DMD: variants seen among roughly 807,000 people sequenced by gnomAD.
The protein encoded by DMD is mutant dystrophin.
Under a neutral mutation model 330.1 loss-of-function variants are expected in DMD, and 63 were observed. The ratio of observed to expected loss-of-function variants is 0.19; its 90% CI spans 0.16 to 0.24. DMD has a LOEUF of 0.24. DMD is among the 10% of genes least tolerant of loss of function. The pLI, the probability that DMD is intolerant of heterozygous loss-of-function variation, is 1.00. For missense variants in DMD, 3,344 were observed against 2,684.1 expected (o/e 1.25, Z -5.43); for synonymous variants, 1,223 against 959.8 (o/e 1.27, Z -5.07).
Position 32,390,070 on chromosome X carries a change from C to T in DMD, c.4344+1G>A. On this transcript the variant is annotated splice_donor_variant, in intron 31 of 78. Coordinates refer to ENST00000357033, the MANE Select transcript of DMD (RefSeq NM_004006.3). LOFTEE classifies it high-confidence loss of function. Reference sequence around the variant, plus strand: ...TCCTTAGTTTCTGAAATAACATATACCTGTGCAACATCAATCTGAGACAGG... The same window carrying T: ...TCCTTAGTTTCTGAAATAACATATATCTGTGCAACATCAATCTGAGACAGG... 1 of 1,193,674 alleles carries T rather than the reference C, an allele frequency of 8.4e-7. No homozygotes were observed. The highest frequency in any genetic ancestry group is 1.1e-6 in the Non-Finnish European group (1 of 879,360).
chrX:33,306,481 G>C (rs1406524610), intron 1 of DMD, among the ~76,000 whole-genome samples: 1 of 110,909 alleles, frequency 9.0e-6, no homozygotes, highest in Admixed American at 9.7e-5. Context: ...AAATGGGCCT[G>C]GTATTTGCTA....
Position 32,263,174 on chromosome X carries a change from T to C in DMD, c.6290+24355A>G, listed in dbSNP as rs771972947. Among the ~76,000 whole-genome samples the C allele has an allele frequency of 8.0e-5, 9 of 112,228 alleles. No homozygotes were observed. The South Asian group carries it at 3.3e-3, about 41-fold the overall frequency. On this transcript the variant is annotated intron_variant, in intron 43 of 78. Transcript: ENST00000357033. ...GAAAATGTACATCAGTATTTATAAA[T>C]AGCCATTATATACAATGATACAATT... is the stretch of plus-strand genomic sequence containing the variant.
chrX:31,202,405 A>G (rs975079962), intron 67 of DMD, among the ~76,000 whole-genome samples: 10 of 111,949 alleles, frequency 8.9e-5, no homozygotes, highest in African/African-American at 2.9e-4. Flanking sequence ...ATGAGGAGGA[A>G]AAGATATTTA....
At position 31,403,666 on chromosome X, in the gene DMD, A is replaced by G. The variant is rs776194919; in HGVS notation, c.9084+40815T>C. 1.2e-4 allele frequency among the ~76,000 whole-genome samples: 13 copies of G among 111,882 alleles called. No homozygotes were observed. In the East Asian group the frequency reaches 3.6e-3, roughly 31 times the overall value. ...ATGAGAAGCTATTGAAATGAGGTCAACTAAACAGAAATCTATTTGTAGGGT... is the reference window on the plus strand; with the variant it reads ...ATGAGAAGCTATTGAAATGAGGTCAGCTAAACAGAAATCTATTTGTAGGGT... On this transcript the variant is annotated intron_variant, in intron 60 of 78. Transcript: ENST00000357033.
chrX:31,433,443 C>A (rs2064230217), intron 60 of DMD, among the ~76,000 whole-genome samples: 1 of 106,204 alleles, frequency 9.4e-6, no homozygotes, highest in African/African-American at 3.5e-5. Flanking sequence ...AATGGTAGTT[C>A]TTTTTTTTCT....
chrX:31,690,957 G>A (rs767245479), intron 52 of DMD, among the ~76,000 whole-genome samples: 5 of 110,141 alleles, frequency 4.5e-5, no homozygotes, highest in South Asian at 4.0e-4. Flanking sequence ...ATCACACACC[G>A]GGGCCTGTCG....
intron 76 of DMD, among the ~76,000 whole-genome samples, chrX:31,138,080 G>A (rs1204816882): frequency 1.8e-5 from 2 of 111,877 alleles, no homozygotes; most frequent in Non-Finnish European, 3.8e-5. Context: ...TTGGAAAATG[G>A]AATGTAAGCG....
At chrX:33,015,207 G>A (rs887259598) in intron 2 of DMD, among the ~76,000 whole-genome samples, 4 of 110,402 alleles carry the variant, frequency 3.6e-5, no homozygotes, top group Admixed American at 9.8e-5. Flanking sequence ...TATAAGACAC[G>A]CATACATATG....
In DMD at chrX:31,147,277, G is replaced by T. The variant is rs772199578; in HGVS notation, c.10795C>A (p.Gln3599Lys). Reference protein sequence around the residue: ...QLHRLRQLLEQPQAEAKVNGT... With the variant: ...QLHRLRQLLEKPQAEAKVNGT... ...AAAAATCCCATCTCTCTCCTCACTT[G>T]CTCCAGCAGCTGCCTTAGCCTGTGT... The change falls in exon 75 of 79, where the codon CAA becomes AAA. Residue 3599 changes from glutamine (Q) to lysine (K), a missense_variant and splice_region_variant. Coordinates refer to ENST00000357033, the MANE Select transcript of DMD (RefSeq NM_004006.3). 5.8e-6 allele frequency: 7 copies of T among 1,208,428 alleles called. No individual in the cohort carries two copies. The highest frequency in any genetic ancestry group is 7.8e-6 in the Non-Finnish European group (7 of 894,422).
At chrX:33,091,995 C>T (rs2095090911) in intron 1 of DMD, among the ~76,000 whole-genome samples, 1 of 111,675 alleles carries the variant, frequency 9.0e-6, no homozygotes, top group Non-Finnish European at 1.9e-5. Context: ...TTCTTGACTA[C>T]TTACATATGC....
intron 74 of DMD, among the ~76,000 whole-genome samples, chrX:31,158,860 T>C (rs2038476958): frequency 1.8e-5 from 2 of 112,120 alleles, no homozygotes; most frequent in African/African-American, 6.5e-5. Flanking sequence ...TTAAATATTT[T>C]CAGATGATGA....
intron 52 of DMD, among the ~76,000 whole-genome samples, chrX:31,694,447 A>G (rs1313368123): frequency 3.7e-5 from 4 of 108,612 alleles, no homozygotes; most frequent in Admixed American, 1.0e-4. Context: ...TAATGGAATA[A>G]AGAGACAACC....
intron 1 of DMD, among the ~76,000 whole-genome samples, chrX:33,194,007 T>A (rs1326059356): frequency 9.0e-6 from 1 of 110,787 alleles, no homozygotes; most frequent in Middle Eastern, 4.2e-3. Context: ...GCGGAGATAA[T>A]ATAATTTTTA....
intron 34 of DMD, among the ~76,000 whole-genome samples, chrX:32,369,317 T>A (rs2097864502): frequency 9.0e-6 from 1 of 111,320 alleles, no homozygotes; most frequent in Non-Finnish European, 1.9e-5. Flanking sequence ...TCCAGTGAAG[T>A]CATGCCCCAT....
chrX:33,027,113 G>A (rs2094018799), intron 1 of DMD, among the ~76,000 whole-genome samples: 3 of 112,187 alleles, frequency 2.7e-5, no homozygotes, highest in Non-Finnish European at 5.6e-5. Flanking sequence ...TGGCAAAGTG[G>A]AATTATTGCA....
intron 22 of DMD, among the ~76,000 whole-genome samples, 163 bp downstream of exon 22, chrX:32,472,001 G>C (rs771546700): frequency 1.8e-5 from 2 of 112,489 alleles, no homozygotes; most frequent in South Asian, 3.6e-4. Context: ...CATAGATAGA[G>C]TATATGCATA....
At chrX:31,393,496 A>C (rs200682290) in intron 60 of DMD, among the ~76,000 whole-genome samples, 57 of 97,041 alleles carry the variant, frequency 5.9e-4, no homozygotes, top group South Asian at 2.7e-3. Context: ...AAAAAACAAA[A>C]AAAAAAAACA....
chrX:31,394,286 C>A (rs1036276539), intron 60 of DMD, among the ~76,000 whole-genome samples: 30 of 112,536 alleles, frequency 2.7e-4, no homozygotes, highest in African/African-American at 9.7e-4. Context: ...ACCAGAATCT[C>A]AGCTGTAGCT....
At chrX:32,408,907 T>TCTAC (rs2098130604) in intron 30 of DMD, among the ~76,000 whole-genome samples, 1 of 105,836 alleles carries the variant, frequency 9.4e-6, no homozygotes, top group Non-Finnish European at 1.9e-5. Context: ...TATCTATCTA[T>TCTAC]CTATCCATCC....
Sources: gnomAD v4.1 joint callset for allele counts (sites outside exome capture counted in the v4.1 genomes callset) on GRCh38, gnomAD v4.1.1 for gene constraint, MANE v1.5 for transcripts, NCBI Gene and HGNC (gene_info 2026-07-23, HGNC 2026-07-21) for gene names.